KLHL29: variants seen among roughly 807,000 people sequenced by gnomAD.
KLHL29 encodes the protein kelch like family member 29.
In KLHL29, 21 loss-of-function variants were observed where a neutral mutation model predicts 80.4. The observed-to-expected ratio is 0.26, with a 90% CI of 0.19 to 0.38. The LOEUF is 0.38. KLHL29 is among the 10% of genes least tolerant of loss of function. KLHL29 has a pLI of 1.00. For synonymous variants in KLHL29, 511 were observed against 526.8 expected (o/e 0.97, Z 0.41); for missense variants, 867 against 1,223.9 (o/e 0.71, Z 4.35).
rs1667478633 is a variant in KLHL29 at position 23,562,563 on chromosome 2, C to T, written c.285+82C>T. Reference sequence around the variant, plus strand: ...CAGGCTCAGGCCAGCCCCACAGGCTCCTGTGGGGCAGCCTGTGCTCCACGC... The same window carrying T: ...CAGGCTCAGGCCAGCCCCACAGGCTTCTGTGGGGCAGCCTGTGCTCCACGC... On this transcript the variant is annotated intron_variant, in intron 3 of 13. Transcript: ENST00000486442. This position sits in a 1 kb window ranked among gnomAD's most constrained non-coding sequence, Gnocchi z 4.5. The T allele has an allele frequency of 2.1e-6, 3 of 1,397,546 alleles. No homozygotes were observed. The highest frequency in any genetic ancestry group is 2.9e-6 in the Non-Finnish European group (3 of 1,045,200). The allele number at this position is 1,397,546 out of a possible 1,614,324, so 86.6% of individuals were successfully genotyped here. A position where few individuals can be genotyped will look rare whatever the true frequency, so the allele number is the denominator to read the frequency against.
Position 23,457,873 on chromosome 2 carries a change from C to T in KLHL29, c.-153-17687C>T, listed in dbSNP as rs1664101377. On this transcript the variant is annotated intron_variant, in intron 1 of 13. Transcript: ENST00000486442. The surrounding 1 kb of genome is among the most constrained non-coding windows in gnomAD (Gnocchi z 4.3). Reference sequence around the variant, plus strand: ...CTAAAAATACAAAAAATTAGCCAGGCGTGGTGGCGGGCACCTGTAATCCCA... The same window carrying T: ...CTAAAAATACAAAAAATTAGCCAGGTGTGGTGGCGGGCACCTGTAATCCCA... Among the ~76,000 whole-genome samples the T allele has an allele frequency of 6.6e-6, 1 of 152,074 alleles. No individual in the cohort carries two copies. Among genetic ancestry groups the T allele is most frequent in the South Asian group, 2.1e-4 (1 of 4,816 alleles).
intron 2 of KLHL29, among the ~76,000 whole-genome samples, chr2:23,477,195 A>G (rs1444288479): frequency 6.6e-6 from 1 of 152,240 alleles, no homozygotes; most frequent in African/African-American, 2.4e-5. Flanking sequence ...GCCCACCCTC[A>G]TGCCTTCTGA....
chr2:23,506,633 AG>A (rs1193510482), intron 2 of KLHL29, among the ~76,000 whole-genome samples: 1 of 152,202 alleles, frequency 6.6e-6, no homozygotes, highest in East Asian at 1.9e-4. Context: ...GGACATTTAA[AG>A]GGGCTGCAGC....
intron 2 of KLHL29, among the ~76,000 whole-genome samples, chr2:23,528,553 GCCTCCAGGCTTTATTC>G (rs1309402041): frequency 6.6e-6 from 1 of 152,204 alleles, no homozygotes; most frequent in Non-Finnish European, 1.5e-5. Flanking sequence ...AGCCCAGAGA[GCCTCCAGGCTTTATTC>G]CCTTAGCCCA....
intron 1 of KLHL29, among the ~76,000 whole-genome samples, chr2:23,442,217 A>G (rs1160680539): frequency 2.0e-5 from 3 of 152,058 alleles, no homozygotes; most frequent in Non-Finnish European, 4.4e-5. Flanking sequence ...CAGCCTTCCA[A>G]GTAGCTGAGA....
intron 5 of KLHL29, among the ~76,000 whole-genome samples, chr2:23,662,474 C>T (rs1184430853): frequency 6.6e-6 from 1 of 152,162 alleles, no homozygotes; most frequent in Admixed American, 6.5e-5. Context: ...TTTGGCCATG[C>T]GAGGCCTTGA....
At chr2:23,654,258 G>A (rs1046326928) in intron 5 of KLHL29, among the ~76,000 whole-genome samples, 2 of 152,046 alleles carry the variant, frequency 1.3e-5, no homozygotes, top group African/African-American at 4.8e-5. Flanking sequence ...GTGGAGTCCA[G>A]AGCACCTTCG....
At chr2:23,578,940 G>T (rs558189581) in intron 3 of KLHL29, among the ~76,000 whole-genome samples, 13 of 152,306 alleles carry the variant, frequency 8.5e-5, no homozygotes, top group African/African-American at 3.1e-4. Context: ...CCCAAAGTCA[G>T]GCATTTTGCA....
chr2:23,540,880 G>A (rs2103483510), intron 2 of KLHL29, among the ~76,000 whole-genome samples: 1 of 152,346 alleles, frequency 6.6e-6, no homozygotes, highest in South Asian at 2.1e-4. Context: ...TGAAGGAAGA[G>A]AGACCTTTGT....
intron 1 of KLHL29, among the ~76,000 whole-genome samples, chr2:23,412,134 G>GGT (rs1666880298): frequency 7.1e-6 from 1 of 140,454 alleles, no homozygotes; most frequent in African/African-American, 2.7e-5. Flanking sequence ...GGGGGGGGGG[G>GGT]GCGGTGCGGT....
intron 3 of KLHL29, among the ~76,000 whole-genome samples, chr2:23,608,019 C>T (rs1668771298): frequency 6.6e-6 from 1 of 151,422 alleles, no homozygotes; most frequent in South Asian, 2.1e-4. Context: ...TCTAGGGACC[C>T]CGGAATTGTC....
At chr2:23,517,670 C>A (rs1285664092) in intron 2 of KLHL29, among the ~76,000 whole-genome samples, 1 of 152,142 alleles carries the variant, frequency 6.6e-6, no homozygotes, top group Non-Finnish European at 1.5e-5. Context: ...CATTTTTCTC[C>A]TAATGGAATT....
intron 3 of KLHL29, among the ~76,000 whole-genome samples, chr2:23,570,015 G>C (rs1442315947): frequency 6.6e-6 from 1 of 152,212 alleles, no homozygotes; most frequent in African/African-American, 2.4e-5. Flanking sequence ...TGCCCTAAAA[G>C]GAAGGTTTAG....
chr2:23,412,126 G>T (rs779744406), intron 1 of KLHL29, among the ~76,000 whole-genome samples: 2 of 131,160 alleles, frequency 1.5e-5, no homozygotes, highest in Admixed American at 1.5e-4. Flanking sequence ...GCGTGAAGGG[G>T]GGGGGGGGGC....
chr2:23,657,183 G>C (rs529323967), intron 5 of KLHL29, among the ~76,000 whole-genome samples: 1 of 152,272 alleles, frequency 6.6e-6, no homozygotes, highest in East Asian at 1.9e-4. Flanking sequence ...ATGAATTTGA[G>C]AGCTTCCTGA....
chr2:23,506,348 G>T (rs962883617), intron 2 of KLHL29, among the ~76,000 whole-genome samples: 1 of 152,156 alleles, frequency 6.6e-6, no homozygotes, highest in Non-Finnish European at 1.5e-5. Context: ...ACATTGCCAC[G>T]ATGCACCTCT....
In KLHL29 at chr2:23,647,503, C is replaced by A. The variant is rs1438598536; in HGVS notation, c.940+4653C>A. ...ACCTCTAGCACTAAGTCTGAAAACT[C>A]AATCGATTCAGGTTTCTACATATGT... On this transcript the variant is annotated intron_variant, in intron 5 of 13. Coordinates refer to ENST00000486442, the MANE Select transcript of KLHL29 (RefSeq NM_052920.2). The surrounding 1 kb of genome is among the most constrained non-coding windows in gnomAD (Gnocchi z 4.9). Among the ~76,000 whole-genome samples the A allele has an allele frequency of 1.3e-5, 2 of 152,202 alleles. No homozygotes were observed. Among genetic ancestry groups the A allele is most frequent in the African/African-American group, 4.8e-5 (2 of 41,442 alleles).
chr2:23,683,855 C>T (rs923581797), intron 5 of KLHL29, among the ~76,000 whole-genome samples: 9 of 152,146 alleles, frequency 5.9e-5, no homozygotes, highest in Non-Finnish European at 1.0e-4. Context: ...CCCATGGCCC[C>T]CTCCTTTCTC....
chr2:23,475,130 TATTAG>T (rs1190262935), intron 1 of KLHL29, among the ~76,000 whole-genome samples: 1 of 152,244 alleles, frequency 6.6e-6, no homozygotes. Context: ...TCCTTTTCAG[TATTAG>T]ATTAAAGACT....
Sources: gnomAD v4.1 joint callset for allele counts (sites outside exome capture counted in the v4.1 genomes callset) on GRCh38, gnomAD v4.1.1 for gene constraint, Gnocchi (gnomAD v3.1) non-coding constraint, MANE v1.5 for transcripts, NCBI Gene and HGNC (gene_info 2026-07-23, HGNC 2026-07-21) for gene names.